Variants in CNTNAP3 observed in about 807,000 individuals in gnomAD.
CNTNAP3 encodes the protein contactin associated protein family member 3.
A neutral mutation model predicts 92.1 loss-of-function variants in CNTNAP3; 36 were observed. The ratio of observed to expected loss-of-function variants is 0.39; its 90% confidence interval spans 0.30 to 0.52. The LOEUF (loss-of-function observed/expected upper bound fraction) is 0.52, where lower values mean the gene tolerates loss of function less well. Among genes scored for constraint, CNTNAP3 ranks in the 20% least tolerant of loss-of-function variants. The pLI is 0.76. For synonymous variants in CNTNAP3, 232 were observed against 422.3 expected (o/e 0.55, Z 5.53); for missense variants, 534 against 1,069.6 (o/e 0.50, Z 6.98).
At chr9:39,137,679 A>AT (rs904159193) in intron 12 of CNTNAP3, among the ~76,000 whole-genome samples, 3 of 150,218 alleles carry the variant, frequency 2.0e-5, no homozygotes, top group East Asian at 4.0e-4. Flanking sequence ...TGCCCAGCTA[A>AT]TTTTTTTTGT....
intron 13 of CNTNAP3, among the ~76,000 whole-genome samples, chr9:39,125,677 A>T (rs1329771426): frequency 6.6e-6 from 1 of 152,198 alleles, no homozygotes; most frequent in Non-Finnish European, 1.5e-5. Context: ...AAGCCAGAGT[A>T]TCTAAATTAA....
chr9:39,076,715 T>G (rs1004007610), intron 23 of CNTNAP3, among the ~76,000 whole-genome samples: 2 of 152,308 alleles, frequency 1.3e-5, no homozygotes, highest in African/African-American at 4.8e-5. Flanking sequence ...ATGCCTGTAA[T>G]CCTAGCACTT....
rs1468704949 is a variant in CNTNAP3 at position 39,079,430 on chromosome 9, CTCATT to C, written c.3443-515_3443-511del. On this transcript the variant is annotated intron_variant, in intron 21 of 23. Coordinates refer to ENST00000297668, the MANE Select transcript of CNTNAP3 (RefSeq NM_033655.5). Reference sequence around the variant, plus strand: ...GTCATCAGATAATATCCCTCTTTATCTCATTTAAGATTCGATTATATTCCAATCTT... The same window carrying C: ...GTCATCAGATAATATCCCTCTTTATCTAAGATTCGATTATATTCCAATCTT... 6.0e-5 allele frequency among the ~76,000 whole-genome samples: 9 copies of C among 150,684 alleles called. No homozygotes were observed. The East Asian group carries it at 7.9e-4, about 13-fold the overall frequency.
intron 15 of CNTNAP3, among the ~76,000 whole-genome samples, chr9:39,105,828 A>G (rs1310496790): frequency 3.3e-5 from 5 of 150,090 alleles, no homozygotes; most frequent in African/African-American, 7.3e-5. Context: ...CTCAGTAGTC[A>G]GCTAGGAAAT....
chr9:39,106,784 T>C (rs931392038), intron 15 of CNTNAP3, among the ~76,000 whole-genome samples: 1 of 152,010 alleles, frequency 6.6e-6, no homozygotes, highest in African/African-American at 2.4e-5. Context: ...AGAGTATCAA[T>C]AGGCAGGGGA....
chr9:39,086,376 T>C (rs1203436069), intron 20 of CNTNAP3: 3 of 290,830 alleles, frequency 1.0e-5, no homozygotes, highest in African/African-American at 6.7e-5. Context: ...CCCACTGCAG[T>C]ATCAATGAAT....
chr9:39,108,723 G>T (rs964780241), intron 15 of CNTNAP3, among the ~76,000 whole-genome samples: 2 of 152,170 alleles, frequency 1.3e-5, no homozygotes, highest in African/African-American at 4.8e-5. Flanking sequence ...CTGCAGGAAA[G>T]AGATTAATAC....
At chr9:39,097,865 T>G (rs938703104) in intron 18 of CNTNAP3, among the ~76,000 whole-genome samples, 7 of 150,318 alleles carry the variant, frequency 4.7e-5, no homozygotes, top group African/African-American at 1.5e-4. Flanking sequence ...CTAAAGACTT[T>G]CAATAGTTGT....
At chr9:39,090,216 G>GGT (rs1826160511) in intron 18 of CNTNAP3, among the ~76,000 whole-genome samples, 1 of 152,216 alleles carries the variant, frequency 6.6e-6, no homozygotes, top group South Asian at 2.1e-4. Context: ...TGGGATTACA[G>GGT]GTGTGAGCCA....
intron 21 of CNTNAP3, 153 bp downstream of exon 21, chr9:39,085,581 ATG>A: frequency 2.8e-6 from 2 of 710,238 alleles, no homozygotes; most frequent in South Asian, 3.7e-5. Flanking sequence ...TCATGATTAT[ATG>A]TACACTCAGG....
intron 12 of CNTNAP3, among the ~76,000 whole-genome samples, chr9:39,137,547 C>T (rs1229606421): frequency 1.3e-5 from 2 of 152,112 alleles, no homozygotes; most frequent in African/African-American, 4.8e-5. Context: ...AAGTCTTGCT[C>T]TGTCACCCAG....
At position 39,109,244 on chromosome 9, in the gene CNTNAP3, C is replaced by A. The variant is rs1470032677; in HGVS notation, c.2281G>T (p.Val761Phe). Residue 761 changes from valine to phenylalanine, a missense_variant, in exon 15 of 24, where the codon GTC becomes TTC. By Grantham distance (50) the Val-to-Phe change is conservative (BLOSUM62 -1). Transcript: ENST00000297668. ...GCGTCTGTCATCACAATCTGAGTGACTGGCAGGTGCTCCTTTTGGGAAAGG... is the reference window on the plus strand; with the variant it reads ...GCGTCTGTCATCACAATCTGAGTGAATGGCAGGTGCTCCTTTTGGGAAAGG... ...IVLSQKEHLP[V>F]TQIVMTDAGR... 6 of 1,612,580 alleles carry A rather than the reference C, an allele frequency of 3.7e-6. No individual in the cohort carries two copies. Among genetic ancestry groups the A allele is most frequent in the East Asian group, 2.2e-5 (1 of 44,884 alleles).
chr9:39,131,439 C>A (rs1821290939), intron 13 of CNTNAP3, among the ~76,000 whole-genome samples: 1 of 151,962 alleles, frequency 6.6e-6, no homozygotes, highest in East Asian at 1.9e-4. Context: ...TCTACTAGAC[C>A]AAATTGGCTG....
intron 18 of CNTNAP3, among the ~76,000 whole-genome samples, chr9:39,095,876 C>A (rs919443797): frequency 1.7e-4 from 26 of 150,776 alleles, no homozygotes; most frequent in African/African-American, 6.1e-4. Context: ...TTTATGCATA[C>A]CAAACCCATT....
intron 18 of CNTNAP3, among the ~76,000 whole-genome samples, chr9:39,091,404 T>C (rs939230600): frequency 2.0e-5 from 3 of 152,096 alleles, no homozygotes; most frequent in Admixed American, 1.3e-4. Context: ...CAAAAATACA[T>C]GAAAGGATGT....
In CNTNAP3 at chr9:39,086,149, T is replaced by C. The variant is rs1334735839; in HGVS notation, c.3355-326A>G. On this transcript the variant is annotated intron_variant, in intron 20 of 23. Coordinates refer to ENST00000297668, the MANE Select transcript of CNTNAP3 (RefSeq NM_033655.5). ...TTTAAACTTAAATATGTACTCATTC[T>C]GTGGAGAAAATCTGAAACATAAAAC... is the stretch of plus-strand genomic sequence containing the variant. 7 of 421,072 alleles carry C rather than the reference T, an allele frequency of 1.7e-5. No individual in the cohort carries two copies. In the East Asian group the frequency reaches 3.1e-4, roughly 19 times the overall value. 26.1% of individuals were successfully genotyped at this position (421,072 alleles called of 1,614,324 possible). A position where few individuals can be genotyped will look rare whatever the true frequency, so the allele number is the denominator to read the frequency against.
intron 14 of CNTNAP3, among the ~76,000 whole-genome samples, chr9:39,114,820 A>G (rs1185360279): frequency 1.3e-5 from 2 of 151,928 alleles, no homozygotes; most frequent in Admixed American, 6.6e-5. Context: ...AAGTAAAATA[A>G]TATTACAGTT....
chr9:39,139,152 C>T (rs1166040048), intron 12 of CNTNAP3, among the ~76,000 whole-genome samples: 1 of 152,028 alleles, frequency 6.6e-6, no homozygotes, highest in African/African-American at 2.4e-5. Flanking sequence ...AGAAAAGAGA[C>T]CAGAGTTTAG....
intron 13 of CNTNAP3, among the ~76,000 whole-genome samples, chr9:39,130,141 C>T (rs1821242996): frequency 1.3e-5 from 2 of 152,072 alleles, no homozygotes; most frequent in South Asian, 4.1e-4. Context: ...CACTTTGGGG[C>T]ATTAATTCCA....
Sources: gnomAD v4.1 joint callset for allele counts (sites outside exome capture counted in the v4.1 genomes callset) on GRCh38, gnomAD v4.1.1 for gene constraint, MANE v1.5 for transcripts, NCBI Gene and HGNC (gene_info 2026-07-23, HGNC 2026-07-21) for gene names.